The following PMS1 variants were observed in gnomAD, a reference collection of about 807,000 sequenced individuals.
PMS1 encodes PMS1 homolog 1, mismatch repair system component.
Under a neutral mutation model 93.1 loss-of-function variants are expected in PMS1, and 79 were observed. The ratio of observed to expected loss-of-function variants is 0.85; its 90% confidence interval spans 0.71 to 1.02. The LOEUF (loss-of-function observed/expected upper bound fraction) is 1.02, where lower values mean the gene tolerates loss of function less well. Among genes scored for constraint, PMS1 ranks in the 50% least tolerant of loss-of-function variants. The pLI is 0.00. For missense variants in PMS1, 1,064 were observed against 1,085.3 expected, an observed-to-expected ratio of 0.98 and a Z score of 0.28; for synonymous variants, 335 against 363.4, an observed-to-expected ratio of 0.92 and a Z score of 0.89.
At chr2:189,825,013 T>A (rs1245265469) in intron 5 of PMS1, among the ~76,000 whole-genome samples, 2 of 152,120 alleles carry the variant, frequency 1.3e-5, no homozygotes, top group African/African-American at 4.8e-5. Flanking sequence ...AACCTGACGA[T>A]ATTGTTGTCT....
chr2:189,841,680 C>T (rs1345413065), intron 5 of PMS1, among the ~76,000 whole-genome samples: 1 of 151,846 alleles, frequency 6.6e-6, no homozygotes, highest in African/African-American at 2.4e-5. Flanking sequence ...ATCCTTTGGT[C>T]CAGTCTCCTC....
At chr2:189,826,531 A>ATTCTT (rs5743058) in intron 5 of PMS1, among the ~76,000 whole-genome samples, 3,123 of 151,494 alleles carry the variant, frequency 0.021, 100 homozygotes, top group African/African-American at 0.071. Context: ...TTTGTTAAGG[A>ATTCTT]TTACTTTTCA....
intron 6 of PMS1, among the ~76,000 whole-genome samples, chr2:189,848,227 C>A (rs1047223984): frequency 6.6e-6 from 1 of 152,170 alleles, no homozygotes; most frequent in African/African-American, 2.4e-5. Flanking sequence ...GACTTGATAC[C>A]TTTACCATCA....
chr2:189,864,016 T>G lies in PMS1; in HGVS notation c.2130T>G (p.Phe710Leu), dbSNP rs1471144804. 6.2e-7 allele frequency: 1 copy of G among 1,609,378 alleles called. No individual in the cohort carries two copies. ...CTATGAAAAACTTAAAAATAAATTT[T>G]AAGAAACAAAACAAAGTTGACTTAG... ...PFSMKNLKINFKKQNKVDLEE... is the reference protein window; with the variant it reads ...PFSMKNLKINLKKQNKVDLEE... The change falls in exon 10 of 13, where the codon TTT (phenylalanine) becomes TTG (leucine). Residue 710 changes from phenylalanine (F) to leucine (L), a missense_variant. Coordinates refer to ENST00000441310, the MANE Select transcript of PMS1 (RefSeq NM_000534.5).
At position 189,853,956 on chromosome 2, in the gene PMS1, CA is replaced by C. The variant is rs1170187915; in HGVS notation, c.842del (p.Asn281IlefsTer2). 1 of 1,587,056 alleles carries C rather than the reference CA, an allele frequency of 6.3e-7. No homozygotes were observed. Among genetic ancestry groups the C allele is most frequent in the African/African-American group, 1.3e-5 (1 of 74,510 alleles). On this transcript the variant is annotated frameshift_variant, in exon 8 of 13. Coordinates refer to ENST00000441310, the MANE Select transcript of PMS1 (RefSeq NM_000534.5). LOFTEE classifies it high-confidence loss of function. ...ATTTCTAGTTAATCCGACATCATTA[CA>C]ATCTGAAATGCCTAAAGGAATCTAC... ...DILKLIRHHY[N>X]LKCLKESTRL... is the part of the protein sequence containing the mutation.
chr2:189,865,280 CTAT>C (rs1451418254), intron 10 of PMS1, among the ~76,000 whole-genome samples: 1 of 152,088 alleles, frequency 6.6e-6, no homozygotes, highest in South Asian at 2.1e-4. Flanking sequence ...AAAAATCACT[CTAT>C]TATTGTAGAT....
rs1051281968 is a variant in PMS1 at position 189,854,303 on chromosome 2, A to G, written c.1031A>G (p.Asn344Ser). 1 of 1,593,712 alleles carries G rather than the reference A, an allele frequency of 6.3e-7. No individual in the cohort carries two copies. Among genetic ancestry groups the G allele is most frequent in the Non-Finnish European group, 8.5e-7 (1 of 1,171,066 alleles). The change falls in exon 9 of 13, where the codon AAT (asparagine) becomes AGT (serine). Residue 344 changes from asparagine to serine, a missense_variant. Coordinates refer to ENST00000441310, the MANE Select transcript of PMS1 (RefSeq NM_000534.5). ...TGTTATGGACCATTACCTAGTACAA[A>G]TTCTTATGAAAATAATAAAACAGAT... is the stretch of plus-strand genomic sequence containing the variant. Reference protein sequence around the residue: ...TTCYGPLPSTNSYENNKTDVS... With the variant: ...TTCYGPLPSTSSYENNKTDVS...
chr2:189,865,180 CT>C (rs1446194657), intron 10 of PMS1, among the ~76,000 whole-genome samples: 2 of 151,836 alleles, frequency 1.3e-5, no homozygotes, highest in Admixed American at 6.6e-5. Context: ...CTCAAAATAC[CT>C]TTTTTTCCAG....
intron 7 of PMS1, 104 bp from the exon 8 acceptor site, chr2:189,853,835 A>G (rs539709168): frequency 1.7e-4 from 123 of 716,438 alleles, no homozygotes; most frequent in East Asian, 1.3e-3. Flanking sequence ...GCTTTTCCTA[A>G]TAAGCAGTTG....
chr2:189,846,299 A>C (rs933753945), intron 6 of PMS1, among the ~76,000 whole-genome samples: 1 of 152,030 alleles, frequency 6.6e-6, no homozygotes, highest in Admixed American at 6.5e-5. Flanking sequence ...ATCATCTGAG[A>C]TCAGGAGTTT....
intron 4 of PMS1, among the ~76,000 whole-genome samples, chr2:189,817,415 A>T (rs2051415843): frequency 6.6e-6 from 1 of 152,140 alleles, no homozygotes; most frequent in African/African-American, 2.4e-5. Flanking sequence ...TTCAGTCCTA[A>T]TTTTATGTGG....
Position 189,854,541 on chromosome 2 carries a change from T to C in PMS1, c.1269T>C (p.Ser423=), listed in dbSNP as rs2055116027. ...ACTTTGGTTATGGTCATTGTAGTAG[T>C]GAAATTTCTAACATTGATAAAAACA... The part of the protein sequence containing the change: ...IGDFGYGHCS[S]EISNIDKNTK... The change falls in exon 9 of 13, where the codon AGT becomes AGC. Residue 423 remains serine, a synonymous_variant. Coordinates refer to ENST00000441310, the MANE Select transcript of PMS1 (RefSeq NM_000534.5). 3 of 1,613,370 alleles carry C rather than the reference T, an allele frequency of 1.9e-6. No homozygotes were observed. The highest frequency in any genetic ancestry group is 3.3e-5 in the Admixed American group (2 of 59,994).
rs1477519176 is a variant in PMS1 at position 189,864,153 on chromosome 2, T to C, written c.2267T>C (p.Leu756Pro). The C allele has an allele frequency of 6.2e-7, 1 of 1,611,576 alleles. No homozygotes were observed. Among genetic ancestry groups the C allele is most frequent in the Admixed American group, 1.7e-5 (1 of 59,972 alleles). Reference sequence around the variant, plus strand: ...AATCCATATAGAGTAGAAGAAGCCCTGCTATTTAAAAGACTTCTTGAGAAT... The same window carrying C: ...AATCCATATAGAGTAGAAGAAGCCCCGCTATTTAAAAGACTTCTTGAGAAT... ...LLNPYRVEEA[L>P]LFKRLLENHK... Residue 756 changes from leucine to proline, a missense_variant, in exon 10 of 13, where the codon CTG (leucine) becomes CCG (proline). Physicochemically the swap from Leu to Pro is moderately conservative, Grantham distance 98. Transcript: ENST00000441310.
At chr2:189,832,667 G>A (rs2053056323) in intron 5 of PMS1, among the ~76,000 whole-genome samples, 1 of 151,964 alleles carries the variant, frequency 6.6e-6, no homozygotes, top group Non-Finnish European at 1.5e-5. Flanking sequence ...GGGTTTCACT[G>A]TATTAACCAG....
chr2:189,867,139 C>T (rs1213522247), intron 10 of PMS1, among the ~76,000 whole-genome samples: 4 of 152,164 alleles, frequency 2.6e-5, no homozygotes. Flanking sequence ...GAAGGAGTGG[C>T]AAGATGGTAA....
chr2:189,816,514 T>C (rs1156963478), intron 4 of PMS1, among the ~76,000 whole-genome samples: 1 of 152,198 alleles, frequency 6.6e-6, no homozygotes. Flanking sequence ...CTTTCTTTTT[T>C]CTTCCTAAAA....
intron 5 of PMS1, among the ~76,000 whole-genome samples, chr2:189,834,935 G>A (rs1392660195): frequency 6.6e-6 from 1 of 152,076 alleles, no homozygotes; most frequent in African/African-American, 2.4e-5. Flanking sequence ...TCACTGTGTT[G>A]CCCAGGCTGG....
chr2:189,849,956 G>A lies in PMS1; in HGVS notation c.700-2699G>A, dbSNP rs566029455. 1.0e-4 allele frequency among the ~76,000 whole-genome samples: 15 copies of A among 150,252 alleles called. No individual in the cohort carries two copies. In the South Asian group the frequency reaches 3.2e-3, roughly 32 times the overall value. Reference sequence around the variant, plus strand: ...AGATTTCAGTCCCCTGTCTTGAATGGGGTGTTTTCAGTCCTTATTTCTGTA... The same window carrying A: ...AGATTTCAGTCCCCTGTCTTGAATGAGGTGTTTTCAGTCCTTATTTCTGTA... On this transcript the variant is annotated intron_variant, in intron 6 of 12. Coordinates refer to ENST00000441310, the MANE Select transcript of PMS1 (RefSeq NM_000534.5).
chr2:189,785,611 CAT>C (rs1407351450), intron 1 of PMS1: 1 of 152,158 alleles, frequency 6.6e-6, no homozygotes, highest in Non-Finnish European at 1.5e-5. Context: ...GACAGAAACA[CAT>C]ATTAATAGAG....
Sources: allele counts gnomAD v4.1 joint callset (sites outside exome capture counted in the v4.1 genomes callset), GRCh38; gene constraint gnomAD v4.1.1; transcripts MANE v1.5; gene names NCBI Gene and HGNC (gene_info 2026-07-23, HGNC 2026-07-21).